Variants in GRM8 observed in about 807,000 individuals in gnomAD.
GRM8 encodes glutamate metabotropic receptor 8.
A neutral mutation model predicts 87.2 loss-of-function variants in GRM8; 47 were observed. The observed-to-expected ratio is 0.54, with a 90% confidence interval of 0.43 to 0.69. The LOEUF is 0.69. Among genes scored for constraint, GRM8 ranks in the 30% least tolerant of loss-of-function variants. GRM8 has a pLI of 0.00. For synonymous variants in GRM8, 396 were observed against 404.5 expected, an observed-to-expected ratio of 0.98 and a Z score of 0.25; for missense variants, 1,019 against 1,139.2, an observed-to-expected ratio of 0.89 and a Z score of 1.52.
intron 6 of GRM8, among the ~76,000 whole-genome samples, chr7:126,823,493 A>G (rs993809446): frequency 7.2e-5 from 11 of 152,206 alleles, no homozygotes; most frequent in Admixed American, 6.5e-4. Context: ...GTCCCTGGCC[A>G]TTATCTAGAT....
chr7:126,451,595 T>C (rs1283592577), intron 9 of GRM8, among the ~76,000 whole-genome samples: 2 of 151,702 alleles, frequency 1.3e-5, no homozygotes, highest in African/African-American at 2.4e-5. Context: ...ACTCCTACTC[T>C]CCAAAGCCTA....
chr7:126,643,507 T>G (rs1802708394), intron 7 of GRM8, among the ~76,000 whole-genome samples: 1 of 146,194 alleles, frequency 6.8e-6, no homozygotes, highest in Non-Finnish European at 1.5e-5. Flanking sequence ...TATGTCCATG[T>G]ATATGTATAG....
intron 7 of GRM8, among the ~76,000 whole-genome samples, chr7:126,638,545 G>A (rs976037205): frequency 5.9e-5 from 9 of 152,180 alleles, no homozygotes; most frequent in African/African-American, 2.2e-4. Flanking sequence ...TAGAAAGGCA[G>A]CCTAGAGTAC....
chr7:126,704,010 A>G (rs977906515), intron 7 of GRM8, among the ~76,000 whole-genome samples: 1 of 152,100 alleles, frequency 6.6e-6, no homozygotes, highest in African/African-American at 2.4e-5. Context: ...CTGTCTACCT[A>G]TACTACCAGC....
chr7:127,072,325 A>G (rs1821780649), intron 3 of GRM8, among the ~76,000 whole-genome samples: 1 of 152,162 alleles, frequency 6.6e-6, no homozygotes, highest in Non-Finnish European at 1.5e-5. Context: ...ATACCCACAA[A>G]GAGTTCTTAT....
intron 2 of GRM8, among the ~76,000 whole-genome samples, chr7:127,182,675 GTGTGTGTA>G (rs1794531325): frequency 9.3e-6 from 1 of 107,130 alleles, no homozygotes; most frequent in Non-Finnish European, 2.0e-5. Flanking sequence ...GTGTGTGTGT[GTGTGTGTA>G]TAGACAGATA....
intron 2 of GRM8, among the ~76,000 whole-genome samples, chr7:127,196,859 A>C (rs1795305497): frequency 6.6e-6 from 1 of 152,206 alleles, no homozygotes; most frequent in Non-Finnish European, 1.5e-5. Context: ...GGTGAAGACT[A>C]AATGAGCTAA....
chr7:126,443,116 G>C (rs1281263161), intron 10 of GRM8, among the ~76,000 whole-genome samples: 2 of 151,868 alleles, frequency 1.3e-5, no homozygotes, highest in Non-Finnish European at 2.9e-5. Flanking sequence ...TCATAAGCTA[G>C]AAAAAACAAA....
At chr7:127,033,632 G>T (rs192959640) in intron 3 of GRM8, among the ~76,000 whole-genome samples, 4 of 152,166 alleles carry the variant, frequency 2.6e-5, no homozygotes, top group African/African-American at 9.6e-5. Context: ...GGAAAGCTGG[G>T]TTCTTTCTCC....
At chr7:126,664,778 C>T (rs1434391896) in intron 7 of GRM8, among the ~76,000 whole-genome samples, 1 of 152,076 alleles carries the variant, frequency 6.6e-6, no homozygotes, top group Non-Finnish European at 1.5e-5. Flanking sequence ...TAACTAGGAC[C>T]TAATTCAACT....
At chr7:127,200,351 C>T (rs993787080) in intron 2 of GRM8, among the ~76,000 whole-genome samples, 1 of 152,190 alleles carries the variant, frequency 6.6e-6, no homozygotes, top group Non-Finnish European at 1.5e-5. Context: ...TTAATTTCCA[C>T]TTGTGGCAGG....
intron 8 of GRM8, among the ~76,000 whole-genome samples, chr7:126,550,289 AT>A (rs979310498): frequency 3.3e-5 from 5 of 151,746 alleles, no homozygotes; most frequent in African/African-American, 2.4e-5. Flanking sequence ...TAATTTTTGT[AT>A]TTTTAGTAGA....
intron 3 of GRM8, among the ~76,000 whole-genome samples, chr7:127,006,626 A>G (rs1261427386): frequency 1.3e-5 from 2 of 152,030 alleles, no homozygotes; most frequent in African/African-American, 4.8e-5. Flanking sequence ...CATTGTTGTC[A>G]AACACTAGCT....
At chr7:127,036,323 C>A (rs1817839144) in intron 3 of GRM8, among the ~76,000 whole-genome samples, 2 of 152,152 alleles carry the variant, frequency 1.3e-5, no homozygotes, top group Non-Finnish European at 2.9e-5. Flanking sequence ...AGTCGCATAT[C>A]CTAACAAAAA....
At chr7:126,621,786 GA>G (rs922513248) in intron 7 of GRM8, among the ~76,000 whole-genome samples, 29 of 151,742 alleles carry the variant, frequency 1.9e-4, no homozygotes, top group Admixed American at 1.9e-3. Context: ...TCACTCTCTG[GA>G]AATTGTCTTG....
At chr7:126,607,823 T>G (rs1029001276) in intron 8 of GRM8, among the ~76,000 whole-genome samples, 4 of 151,410 alleles carry the variant, frequency 2.6e-5, no homozygotes, top group African/African-American at 9.7e-5. Context: ...GCATTAGGTA[T>G]ATCACCCAAT....
intron 7 of GRM8, among the ~76,000 whole-genome samples, chr7:126,647,518 G>T (rs1473183460): frequency 6.6e-6 from 1 of 151,672 alleles, no homozygotes; most frequent in African/African-American, 2.4e-5. Context: ...ATTCAACTAC[G>T]CCCCTGACAT....
chr7:126,678,475 C>T (rs187679594), intron 7 of GRM8, among the ~76,000 whole-genome samples: 77 of 152,256 alleles, frequency 5.1e-4, no homozygotes, highest in South Asian at 1.0e-3. Flanking sequence ...TGTGTTGATT[C>T]TGAAACATTC....
chr7:126,553,253 A>C (rs182261285), intron 8 of GRM8, among the ~76,000 whole-genome samples: 2 of 152,170 alleles, frequency 1.3e-5, no homozygotes, highest in Non-Finnish European at 2.9e-5. Context: ...AATTATTTTT[A>C]AAAAATCCCA....
Sources: allele counts gnomAD v4.1 joint callset (sites outside exome capture counted in the v4.1 genomes callset), GRCh38; gene constraint gnomAD v4.1.1; transcripts MANE v1.5; gene names NCBI Gene and HGNC (gene_info 2026-07-23, HGNC 2026-07-21).